The following SRGAP2C variants were observed in gnomAD, a reference collection of about 807,000 sequenced individuals.
SRGAP2C encodes the protein SLIT-ROBO Rho GTPase activating protein 2C.
SRGAP2C carries 15 observed loss-of-function variants against 25.1 expected under a neutral mutation model. That is an observed-to-expected ratio of 0.60 (90% CI 0.40 to 0.92). The LOEUF (loss-of-function observed/expected upper bound fraction) is 0.92, where lower values mean the gene tolerates loss of function less well. Ranked by LOEUF, SRGAP2C falls within the 40% of genes least tolerant of loss-of-function variation. The pLI, the probability that SRGAP2C is intolerant of heterozygous loss-of-function variation, is 0.00. For missense variants in SRGAP2C, 144 were observed against 264.4 expected, an observed-to-expected ratio of 0.54 and a Z score of 3.16; for synonymous variants, 44 against 96.6, an observed-to-expected ratio of 0.46 and a Z score of 3.19.
chr1:121,202,703 A>AG (rs1280212282), intron 2 of SRGAP2C, among the ~76,000 whole-genome samples: 1 of 152,088 alleles, frequency 6.6e-6, no homozygotes, highest in African/African-American at 2.4e-5. Context: ...CTGGGATTAT[A>AG]GGCGTGAGCC....
chr1:121,260,042 TA>T (rs1301959491), intron 2 of SRGAP2C, among the ~76,000 whole-genome samples: 2 of 145,472 alleles, frequency 1.4e-5, no homozygotes, highest in Non-Finnish European at 3.0e-5. Flanking sequence ...TTTTAATTTT[TA>T]TTTTTTAGAG....
intron 4 of SRGAP2C, among the ~76,000 whole-genome samples, chr1:121,353,016 G>T (rs1452815812): frequency 6.6e-6 from 1 of 151,024 alleles, no homozygotes; most frequent in African/African-American, 2.4e-5. Flanking sequence ...CGTGAACCCG[G>T]GAGGCAGAGC....
chr1:121,385,697 T>C (rs1281323217), intron 8 of SRGAP2C, among the ~76,000 whole-genome samples: 3 of 152,162 alleles, frequency 2.0e-5, no homozygotes, highest in South Asian at 4.1e-4. Flanking sequence ...GGTAACAAGG[T>C]GACAGGAGCT....
intron 3 of SRGAP2C, among the ~76,000 whole-genome samples, chr1:121,285,438 A>C (rs1387486754): frequency 6.9e-6 from 1 of 145,862 alleles, no homozygotes; most frequent in East Asian, 2.1e-4. Context: ...ACACTCACAC[A>C]CCCCTAGTAA....
At chr1:121,343,428 G>C (rs1658676200) in intron 4 of SRGAP2C, among the ~76,000 whole-genome samples, 1 of 151,194 alleles carries the variant, frequency 6.6e-6, no homozygotes, top group Admixed American at 6.6e-5. Flanking sequence ...TAAAAAGGCT[G>C]TTGTAATCAG....
chr1:121,340,786 G>A (rs2101624590), intron 4 of SRGAP2C, among the ~76,000 whole-genome samples: 1 of 151,046 alleles, frequency 6.6e-6, no homozygotes, highest in South Asian at 2.1e-4. Flanking sequence ...AATATCTTTT[G>A]AGGATTTCCA....
intron 2 of SRGAP2C, among the ~76,000 whole-genome samples, chr1:121,223,033 G>A (rs2101451224): frequency 6.6e-6 from 1 of 152,084 alleles, no homozygotes; most frequent in South Asian, 2.1e-4. Flanking sequence ...AAATTGATGA[G>A]ATCAATTCAT....
intron 3 of SRGAP2C, among the ~76,000 whole-genome samples, chr1:121,286,394 G>T (rs1180124206): frequency 4.6e-5 from 7 of 150,872 alleles, no homozygotes; most frequent in Non-Finnish European, 5.9e-5. Context: ...GGGACTGCAG[G>T]TGTGCACCAT....
At chr1:121,310,715 G>C (rs1657963714) in intron 3 of SRGAP2C, among the ~76,000 whole-genome samples, 1 of 90,270 alleles carries the variant, frequency 1.1e-5, no homozygotes, top group African/African-American at 4.0e-5. Flanking sequence ...TCTCAGGTTT[G>C]TCAAAGATCA....
chr1:121,295,915 T>G (rs1553338245), intron 3 of SRGAP2C, among the ~76,000 whole-genome samples: 1 of 151,728 alleles, frequency 6.6e-6, no homozygotes, highest in African/African-American at 2.4e-5. Context: ...GCATGCGCCA[T>G]GACGCCAGGC....
intron 4 of SRGAP2C, among the ~76,000 whole-genome samples, chr1:121,343,227 C>T (rs1403353353): frequency 6.6e-6 from 1 of 151,766 alleles, no homozygotes; most frequent in Non-Finnish European, 1.5e-5. Context: ...TGATGAAACA[C>T]AAGATGAGGT....
rs1218706626 is a variant in SRGAP2C at position 121,308,923 on chromosome 1, G to C, written c.261-15555G>C. ...CATTGCACTCTAGCCTGGACAACAA[G>C]AGTGAAACTCTGTCTCAAAAAAAAA... On this transcript the variant is annotated intron_variant, in intron 3 of 9. Transcript: ENST00000367123. 8.2e-5 allele frequency among the ~76,000 whole-genome samples: 8 copies of C among 97,380 alleles called. No individual in the cohort carries two copies. The Admixed American group carries it at 1.0e-3, about 12-fold the overall frequency. 63.9% of individuals were successfully genotyped at this position (97,380 alleles called of 152,430 possible).
intron 4 of SRGAP2C, among the ~76,000 whole-genome samples, chr1:121,345,300 T>A (rs1261510039): frequency 6.6e-6 from 1 of 151,832 alleles, no homozygotes; most frequent in Admixed American, 6.6e-5. Flanking sequence ...GCTTACTAAT[T>A]TTTAGCATGC....
chr1:121,370,555 C>T (rs1255294959), intron 5 of SRGAP2C, among the ~76,000 whole-genome samples: 1 of 146,426 alleles, frequency 6.8e-6, no homozygotes, highest in East Asian at 2.1e-4. Context: ...CATTCTCCTG[C>T]CTCAGCCTCC....
At chr1:121,355,531 G>T (rs1167977025) in intron 4 of SRGAP2C, among the ~76,000 whole-genome samples, 2 of 122,916 alleles carry the variant, frequency 1.6e-5, no homozygotes, top group Non-Finnish European at 3.4e-5. Context: ...CCTTGGTCTC[G>T]ATCTCCTGAC....
chr1:121,331,144 C>CAAAAAAAAAAAT (rs1658421392), intron 4 of SRGAP2C, among the ~76,000 whole-genome samples: 1 of 25,040 alleles, frequency 4.0e-5, no homozygotes, highest in Non-Finnish European at 6.0e-5. Context: ...ATGCCTCCCT[C>CAAAAAAAAAAAT]AAAAAAAAAA....
At chr1:121,206,976 C>CA (rs1380413042) in intron 2 of SRGAP2C, among the ~76,000 whole-genome samples, 1 of 147,280 alleles carries the variant, frequency 6.8e-6, no homozygotes, top group African/African-American at 2.5e-5. Flanking sequence ...GGAAGAGGTG[C>CA]AGCAGTTGGT....
chr1:121,273,040 C>T (rs1228069953), intron 2 of SRGAP2C, among the ~76,000 whole-genome samples: 7 of 149,638 alleles, frequency 4.7e-5, no homozygotes, highest in Admixed American at 1.3e-4. Flanking sequence ...GGTGGCAGAA[C>T]TACAATTAAA....
At chr1:121,240,821 TG>T (rs1417316712) in intron 2 of SRGAP2C, among the ~76,000 whole-genome samples, 2 of 129,480 alleles carry the variant, frequency 1.5e-5, no homozygotes, top group Admixed American at 7.6e-5. Flanking sequence ...GATTCATATT[TG>T]CATTTATCTT....
Sources: gnomAD v4.1 joint callset for allele counts (sites outside exome capture counted in the v4.1 genomes callset) on GRCh38, gnomAD v4.1.1 for gene constraint, MANE v1.5 for transcripts, NCBI Gene and HGNC (gene_info 2026-07-23, HGNC 2026-07-21) for gene names.